Variants in NRCAM observed in about 807,000 individuals in gnomAD.
The protein encoded by NRCAM is neuronal cell adhesion molecule, also known as NgCAM-related cell adhesion molecule.
NRCAM carries 83 observed loss-of-function variants against 156.5 expected under a neutral mutation model. The ratio of observed to expected loss-of-function variants is 0.53; its 90% CI spans 0.44 to 0.64. The LOEUF (loss-of-function observed/expected upper bound fraction) is 0.64. NRCAM is among the 30% of genes least tolerant of loss of function. The pLI is 0.00. For synonymous variants in NRCAM, 538 were observed against 563.9 expected (o/e 0.95, Z 0.65); for missense variants, 1,417 against 1,597.3 (o/e 0.89, Z 1.92).
chr7:108,262,845 C>T (rs2096935508), intron 3 of NRCAM, among the ~76,000 whole-genome samples: 1 of 152,234 alleles, frequency 6.6e-6, no homozygotes, highest in Non-Finnish European at 1.5e-5. Flanking sequence ...CACTGGGTCA[C>T]ATACTTTCAC....
chr7:108,160,469 T>A lies in NRCAM; in HGVS notation c.3490A>T (p.Ile1164Phe), dbSNP rs760222116. 1.1e-5 allele frequency: 17 copies of A among 1,613,258 alleles called. No homozygotes were observed. In the East Asian group the frequency reaches 3.8e-4, roughly 36 times the overall value. ...CCAATGAACCAGCCCTGAGTTGCAA[T>A]ATCCACCTGCCGGCTTGCCATCGCT... The part of the protein sequence containing the change: ...GPAMASRQVD[I>F]ATQGWFIGLM... Residue 1164 changes from isoleucine to phenylalanine, a missense_variant, in exon 31 of 33, where the codon ATT becomes TTT. By Grantham distance (21) the Ile-to-Phe change is conservative (BLOSUM62 0). Coordinates refer to ENST00000379028, the MANE Select transcript of NRCAM (RefSeq NM_001037132.4).
chr7:108,228,636 C>T (rs1292384763), intron 8 of NRCAM, among the ~76,000 whole-genome samples: 4 of 152,174 alleles, frequency 2.6e-5, no homozygotes, highest in African/African-American at 4.8e-5. Flanking sequence ...GCCTAGAATG[C>T]ATGTGAGTGG....
intron 3 of NRCAM, among the ~76,000 whole-genome samples, chr7:108,302,283 T>A (rs2098638056): frequency 6.6e-6 from 1 of 152,194 alleles, no homozygotes; most frequent in Admixed American, 6.5e-5. Flanking sequence ...TCAGTCTGAA[T>A]TGTGCACATT....
chr7:108,281,139 A>G (rs908450130), intron 3 of NRCAM, among the ~76,000 whole-genome samples: 6 of 152,136 alleles, frequency 3.9e-5, no homozygotes, highest in African/African-American at 1.4e-4. Context: ...AAAAAATTAT[A>G]AAATATAAAT....
intron 3 of NRCAM, among the ~76,000 whole-genome samples, chr7:108,268,142 TAA>T (rs2097178832): frequency 6.6e-6 from 1 of 152,224 alleles, no homozygotes; most frequent in Non-Finnish European, 1.5e-5. Flanking sequence ...CCATAAGAGA[TAA>T]AAAGACTATA....
At chr7:108,381,106 G>A (rs549953118) in intron 2 of NRCAM, among the ~76,000 whole-genome samples, 1 of 152,072 alleles carries the variant, frequency 6.6e-6, no homozygotes, top group South Asian at 2.1e-4. Context: ...AATACCCTAA[G>A]GACTAATGCC....
chr7:108,359,537 G>A (rs548093959), intron 2 of NRCAM, among the ~76,000 whole-genome samples: 3 of 152,164 alleles, frequency 2.0e-5, no homozygotes, highest in South Asian at 2.1e-4. Flanking sequence ...TATGGAACAC[G>A]TGTGAGAAAG....
At chr7:108,222,742 T>G (rs1050277059) in intron 11 of NRCAM, among the ~76,000 whole-genome samples, 1 of 152,138 alleles carries the variant, frequency 6.6e-6, no homozygotes, top group African/African-American at 2.4e-5. Flanking sequence ...ACCAATGAGT[T>G]GCCTGTCAAG....
chr7:108,393,107 A>G (rs1013101720), intron 2 of NRCAM, among the ~76,000 whole-genome samples: 3 of 152,144 alleles, frequency 2.0e-5, no homozygotes, highest in Non-Finnish European at 4.4e-5. Flanking sequence ...AGACAGGGAC[A>G]TTTAAGTCTG....
At chr7:108,237,712 C>T (rs2095205231) in intron 5 of NRCAM, 40 bp downstream of exon 5, 4 of 1,509,982 alleles carry the variant, frequency 2.6e-6, no homozygotes, top group South Asian at 1.4e-5. Context: ...GACATGGTCA[C>T]ATTTTCACAC....
rs79648052 is a variant in NRCAM, at chr7:108,237,549, A to G, written c.124+203T>C. Among the ~76,000 whole-genome samples, 814 of 152,322 alleles carry G rather than the reference A, an allele frequency of 5.3e-3. 8 individuals are homozygous for G. Among genetic ancestry groups the G allele is most frequent in the African/African-American group, 0.019 (774 of 41,576 alleles). On this transcript the variant is annotated intron_variant, in intron 5 of 32. Coordinates refer to ENST00000379028, the MANE Select transcript of NRCAM (RefSeq NM_001037132.4). Reference sequence around the variant, plus strand: ...ACTGGTAAAAGAAAGAGTAATAGCCAAGTTTTCAGAATTCATGCAGATAAT... The same window carrying G: ...ACTGGTAAAAGAAAGAGTAATAGCCGAGTTTTCAGAATTCATGCAGATAAT...
intron 1 of NRCAM, among the ~76,000 whole-genome samples, chr7:108,430,119 G>A (rs4730320): frequency 0.29 from 44,226 of 152,090 alleles, 6,899 homozygotes; most frequent in East Asian, 0.5. Flanking sequence ...GGCCAGAGAG[G>A]CAGCAGGGGT....
intron 11 of NRCAM, among the ~76,000 whole-genome samples, chr7:108,210,852 A>G (rs1029152509): frequency 6.6e-6 from 1 of 152,220 alleles, no homozygotes; most frequent in Non-Finnish European, 1.5e-5. Context: ...GGCCCTCAGG[A>G]AGATAACAAT....
At chr7:108,456,029 G>A (rs1857027019) in intron 1 of NRCAM, among the ~76,000 whole-genome samples, 1 of 152,164 alleles carries the variant, frequency 6.6e-6, no homozygotes, top group Non-Finnish European at 1.5e-5. Flanking sequence ...GCTCCCTCTC[G>A]GCGCCCGCGG....
At chr7:108,392,471 G>A (rs1596241595) in intron 2 of NRCAM, among the ~76,000 whole-genome samples, 1 of 152,112 alleles carries the variant, frequency 6.6e-6, no homozygotes, top group African/African-American at 2.4e-5. Context: ...TTAGCCATTC[G>A]TCTAATCTTT....
In NRCAM at chr7:108,182,683, G is replaced by A; in HGVS notation, c.2530+12C>T. On this transcript the variant is annotated intron_variant, in intron 23 of 32. Transcript: ENST00000379028. ...GTTTTGCTGGGGAAAAGTAGGAAAT[G>A]GCATCACTTACGGTCTTCTCCAGAA... 1 of 1,609,282 alleles carries A rather than the reference G, an allele frequency of 6.2e-7. No individual in the cohort carries two copies. Among genetic ancestry groups the A allele is most frequent in the Non-Finnish European group, 8.5e-7 (1 of 1,175,884 alleles).
chr7:108,276,868 G>A (rs192264215), intron 3 of NRCAM, among the ~76,000 whole-genome samples: 236 of 139,524 alleles, frequency 1.7e-3, no homozygotes, highest in Admixed American at 3.8e-3. Context: ...TTGCAGTGGC[G>A]GTACTGGTTG....
At chr7:108,220,567 C>T (rs1029658955) in intron 11 of NRCAM, among the ~76,000 whole-genome samples, 18 of 151,982 alleles carry the variant, frequency 1.2e-4, no homozygotes, top group Non-Finnish European at 2.4e-4. Context: ...AACTGATCTT[C>T]GACAAAGCAA....
intron 2 of NRCAM, among the ~76,000 whole-genome samples, chr7:108,358,374 T>C (rs1182771953): frequency 6.6e-6 from 1 of 151,978 alleles, no homozygotes; most frequent in Non-Finnish European, 1.5e-5. Context: ...CACTGCACTC[T>C]AGCCTGGGTG....
Sources: gnomAD v4.1 joint callset for allele counts (sites outside exome capture counted in the v4.1 genomes callset) on GRCh38, gnomAD v4.1.1 for gene constraint, MANE v1.5 for transcripts, NCBI Gene and HGNC (gene_info 2026-07-23, HGNC 2026-07-21) for gene names.